The following SHC4 variants were observed in gnomAD, a reference collection of about 807,000 sequenced individuals.
SHC4 encodes SHC adaptor protein 4, also known as SHC-transforming protein 4.
Under a neutral mutation model 69.4 loss-of-function variants are expected in SHC4, and 41 were observed. That is an observed-to-expected ratio of 0.59 (90% confidence interval 0.46 to 0.77). The LOEUF is 0.77. SHC4 is among the 30% of genes least tolerant of loss of function. The probability of loss-of-function intolerance (pLI) is 0.00; values close to 1 mark genes in which losing one functional copy is unlikely to be tolerated. For synonymous variants in SHC4, 318 were observed against 299.3 expected (o/e 1.06, Z -0.64); for missense variants, 777 against 783.8 (o/e 0.99, Z 0.10).
At chr15:48,870,966 T>C (rs940668528) in intron 5 of SHC4, among the ~76,000 whole-genome samples, 4 of 152,190 alleles carry the variant, frequency 2.6e-5, no homozygotes, top group Non-Finnish European at 4.4e-5. Flanking sequence ...TTAAAACAAA[T>C]GAAAACTACC....
At chr15:48,907,102 G>C (rs899748404) in intron 2 of SHC4, among the ~76,000 whole-genome samples, 1 of 151,620 alleles carries the variant, frequency 6.6e-6, no homozygotes, top group African/African-American at 2.4e-5. Flanking sequence ...CAATAAGCCA[G>C]ATTTACTTTT....
At chr15:48,890,085 T>A (rs1433187747) in intron 3 of SHC4, among the ~76,000 whole-genome samples, 1 of 152,218 alleles carries the variant, frequency 6.6e-6, no homozygotes, top group Non-Finnish European at 1.5e-5. Flanking sequence ...ATTTCTTACA[T>A]AACTCTATAA....
At chr15:48,882,280 G>A (rs976092473) in intron 4 of SHC4, among the ~76,000 whole-genome samples, 3 of 152,032 alleles carry the variant, frequency 2.0e-5, no homozygotes, top group African/African-American at 7.2e-5. Context: ...CTGCAGGAAA[G>A]CTCAAAATAG....
At chr15:48,856,232 T>A in intron 7 of SHC4, 108 bp from the exon 8 acceptor site, 1 of 1,063,478 alleles carries the variant, frequency 9.4e-7, no homozygotes, top group African/African-American at 1.6e-5. Flanking sequence ...TTTGCATTCA[T>A]GTTTTCAGTT....
At chr15:48,946,713 C>A (rs532975986) in intron 1 of SHC4, 11 of 393,922 alleles carry the variant, frequency 2.8e-5, no homozygotes, top group African/African-American at 2.4e-4. Context: ...ATTCTCTCCC[C>A]AGAACATTCC....
intron 1 of SHC4, among the ~76,000 whole-genome samples, chr15:48,931,721 T>C (rs1172346841): frequency 1.3e-5 from 2 of 152,092 alleles, no homozygotes; most frequent in African/African-American, 4.8e-5. Flanking sequence ...CTGCATCCAT[T>C]TGGCAGGCAG....
Position 48,843,587 on chromosome 15 carries a change from A to G in SHC4, c.1305T>C (p.Gly435=). 1.2e-6 allele frequency: 2 copies of G among 1,613,314 alleles called. No homozygotes were observed. Among genetic ancestry groups the G allele is most frequent in the Non-Finnish European group, 1.7e-6 (2 of 1,179,468 alleles). The change falls in exon 10 of 12, where the codon GGT becomes GGC. Residue 435 remains glycine (G), a splice_region_variant and synonymous_variant. Coordinates refer to ENST00000332408, the MANE Select transcript of SHC4 (RefSeq NM_203349.4). ...ACTGCACCCCTCTTGGATGGACATT[A>G]CCTGTAGTGATTAGTAGTGATCAAT... ...ENCLEQSRAI[G]NVHPRGVQSQ...
chr15:48,861,264 T>C (rs1017986160), intron 6 of SHC4, among the ~76,000 whole-genome samples: 1 of 152,128 alleles, frequency 6.6e-6, no homozygotes, highest in African/African-American at 2.4e-5. Context: ...ACACCCAGCT[T>C]GAGAAGACTG....
intron 6 of SHC4, among the ~76,000 whole-genome samples, chr15:48,862,215 T>C (rs1021300207): frequency 2.0e-5 from 3 of 151,886 alleles, no homozygotes; most frequent in Non-Finnish European, 2.9e-5. Context: ...TTTTTAACTT[T>C]CTTCAGAGAC....
intron 1 of SHC4, among the ~76,000 whole-genome samples, chr15:48,955,926 C>T (rs1308408410): frequency 6.6e-6 from 1 of 152,130 alleles, no homozygotes; most frequent in Non-Finnish European, 1.5e-5. Flanking sequence ...ATGTCTGAGC[C>T]TTAGTTTCCT....
At position 48,960,799 on chromosome 15, in the gene SHC4, T is replaced by C. The variant is rs967682045; in HGVS notation, c.585+1632A>G. Among the ~76,000 whole-genome samples, 3 of 152,212 alleles carry C rather than the reference T, an allele frequency of 2.0e-5. No homozygotes were observed. The South Asian group carries it at 6.2e-4, about 32-fold the overall frequency. ...AAATTTAATATGTCAAAAACAAACT[T>C]AAAATGAGTCCATTTCCTAATTTAC... On this transcript the variant is annotated intron_variant, in intron 1 of 11. Transcript: ENST00000332408.
chr15:48,839,095 A>T (rs1457953273), intron 10 of SHC4, among the ~76,000 whole-genome samples: 2 of 152,188 alleles, frequency 1.3e-5, no homozygotes, highest in Non-Finnish European at 2.9e-5. Context: ...AAAATTAATA[A>T]ACCTAAAAGA....
chr15:48,882,876 C>G (rs886198507), intron 4 of SHC4, among the ~76,000 whole-genome samples: 1 of 152,118 alleles, frequency 6.6e-6, no homozygotes, highest in Admixed American at 6.6e-5. Context: ...GTTTCACCAC[C>G]CACATGTGTC....
chr15:48,925,618 T>C (rs2141025103), intron 1 of SHC4, among the ~76,000 whole-genome samples: 1 of 152,330 alleles, frequency 6.6e-6, no homozygotes, highest in South Asian at 2.1e-4. Context: ...GTGATTAGTA[T>C]GGTTAGCTCG....
At chr15:48,879,655 T>C (rs751174240) in intron 4 of SHC4, 4 of 167,102 alleles carry the variant, frequency 2.4e-5, no homozygotes, top group Non-Finnish European at 5.9e-5. Context: ...AAAAAGACTT[T>C]ATGAACAGTT....
At chr15:48,955,098 C>T (rs887411911) in intron 1 of SHC4, among the ~76,000 whole-genome samples, 2 of 152,158 alleles carry the variant, frequency 1.3e-5, no homozygotes, top group Non-Finnish European at 2.9e-5. Context: ...CAGGATCCCT[C>T]TCTTGGGTTT....
At chr15:48,953,425 AC>A (rs1415323416) in intron 1 of SHC4, among the ~76,000 whole-genome samples, 4 of 152,266 alleles carry the variant, frequency 2.6e-5, no homozygotes, top group East Asian at 3.9e-4. Flanking sequence ...TTAAAAAAAA[AC>A]AAACACTGTG....
chr15:48,962,657 T>C lies in SHC4; in HGVS notation c.359A>G (p.Gln120Arg). Residue 120 changes from glutamine to arginine, a missense_variant, in exon 1 of 12, where the codon CAG becomes CGG. Transcript: ENST00000332408. ...GCTGGAACCTGGGTCCCGGCTTTCC[T>C]GGAGCTTCAGCCGAGGCACCTCTTT... ...GTKEVPRLKL[Q>R]ESRDPGSSGP... The C allele has an allele frequency of 5.0e-6, 8 of 1,614,204 alleles. No individual in the cohort carries two copies. Among genetic ancestry groups the C allele is most frequent in the Non-Finnish European group, 6.8e-6 (8 of 1,180,038 alleles).
At chr15:48,872,407 A>C (rs562430369) in intron 4 of SHC4, among the ~76,000 whole-genome samples, 2 of 152,332 alleles carry the variant, frequency 1.3e-5, no homozygotes, top group East Asian at 3.9e-4. Context: ...CTCTGGATAC[A>C]GCAGAGCCAA....
Sources: allele counts gnomAD v4.1 joint callset (sites outside exome capture counted in the v4.1 genomes callset), GRCh38; gene constraint gnomAD v4.1.1; transcripts MANE v1.5; gene names NCBI Gene and HGNC (gene_info 2026-07-23, HGNC 2026-07-21).